The following RAB30 variants were observed in gnomAD, a reference collection of about 807,000 sequenced individuals.
The protein encoded by RAB30 is ras-related protein Rab-30.
A neutral mutation model predicts 25.1 loss-of-function variants in RAB30; 9 were observed. That is an observed-to-expected ratio of 0.36 (90% confidence interval 0.22 to 0.63). The LOEUF (loss-of-function observed/expected upper bound fraction) is 0.63, where lower values mean the gene tolerates loss of function less well. Ranked by LOEUF, RAB30 falls within the 20% of genes least tolerant of loss-of-function variation. The pLI, the probability that RAB30 is intolerant of heterozygous loss-of-function variation, is 0.69. For synonymous variants in RAB30, 77 were observed against 86.4 expected (o/e 0.89, Z 0.60); for missense variants, 140 against 243.5 (o/e 0.58, Z 2.83).
rs990388965 is a variant in RAB30, at chr11:82,981,517, T to G, written c.*648A>C. 1 of 152,700 alleles carries G rather than the reference T, an allele frequency of 6.5e-6. No individual in the cohort carries two copies. The highest frequency in any genetic ancestry group is 2.1e-4 in the South Asian group (1 of 4,838). The allele number at this position is 152,700 out of a possible 1,614,324, so 9.5% of individuals were successfully genotyped here. A position where few individuals can be genotyped will look rare whatever the true frequency, so the allele number is the denominator to read the frequency against. ...TTAATGTACTAAAACGTTTGGTCTG[T>G]GAAATAGCGGAATCATTAGCACCAA... On this transcript the variant is annotated 3_prime_UTR_variant, in exon 5 of 5. Transcript: ENST00000527633.
chr11:83,049,466 G>A (rs1360439174), intron 1 of RAB30, among the ~76,000 whole-genome samples: 6 of 140,068 alleles, frequency 4.3e-5, no homozygotes, highest in Non-Finnish European at 9.4e-5. Flanking sequence ...CAGAGGCGGG[G>A]GGTGCAGGGG....
chr11:83,066,459 G>C (rs1399193394), intron 1 of RAB30, among the ~76,000 whole-genome samples: 3 of 152,104 alleles, frequency 2.0e-5, no homozygotes, highest in Non-Finnish European at 4.4e-5. Flanking sequence ...CTTGAATAAA[G>C]GAAGTTCAGC....
chr11:83,062,668 C>T (rs1289941862), intron 1 of RAB30, among the ~76,000 whole-genome samples: 2 of 152,160 alleles, frequency 1.3e-5, no homozygotes, highest in East Asian at 1.9e-4. Context: ...CACAACATCT[C>T]CTTTGAGCCC....
At chr11:82,982,679 T>C (rs1445146980) in intron 4 of RAB30, among the ~76,000 whole-genome samples, 1 of 152,064 alleles carries the variant, frequency 6.6e-6, no homozygotes, top group Admixed American at 6.6e-5. Flanking sequence ...CTGGCCAATA[T>C]GGTGAAACCC....
chr11:83,050,078 G>A (rs1323151636), intron 1 of RAB30, among the ~76,000 whole-genome samples: 1 of 151,840 alleles, frequency 6.6e-6, no homozygotes, highest in African/African-American at 2.4e-5. Flanking sequence ...GGCAACATAG[G>A]GAGACCTCAT....
At chr11:83,027,403 G>C (rs1458656907) in intron 1 of RAB30, among the ~76,000 whole-genome samples, 1 of 152,106 alleles carries the variant, frequency 6.6e-6, no homozygotes, top group South Asian at 2.1e-4. Context: ...CTTCTCCCGA[G>C]TACCAAAACA....
At position 82,980,684 on chromosome 11, in the gene RAB30, A is replaced by G. The variant is rs992935597; in HGVS notation, c.*1481T>C. On this transcript the variant is annotated 3_prime_UTR_variant, in exon 5 of 5. Transcript: ENST00000527633. ...ATCAGTGAACAAATTGGAAGCTATC[A>G]AAGTATGGCACTGAAGAAAAAGAAA... 2 of 152,216 alleles carry G rather than the reference A, an allele frequency of 1.3e-5. No individual in the cohort carries two copies. Among genetic ancestry groups the G allele is most frequent in the Admixed American group, 1.3e-4 (2 of 15,266 alleles). 9.4% of individuals were successfully genotyped at this position (152,216 alleles called of 1,614,324 possible). A position where few individuals can be genotyped will look rare whatever the true frequency, so the allele number is the denominator to read the frequency against.
In RAB30 at chr11:83,031,621, G is replaced by A. The variant is rs1013771753; in HGVS notation, c.-8-34297C>T. Reference sequence around the variant, plus strand: ...CGGCACACCGCAACCTCCGTTTCCCGGGTTCAAGCGATTCTCCTGCCTCAG... The same window carrying A: ...CGGCACACCGCAACCTCCGTTTCCCAGGTTCAAGCGATTCTCCTGCCTCAG... On this transcript the variant is annotated intron_variant, in intron 1 of 4. Transcript: ENST00000527633. Among the ~76,000 whole-genome samples the A allele has an allele frequency of 1.6e-4, 24 of 151,090 alleles. No homozygotes were observed. In the East Asian group the frequency reaches 3.5e-3, roughly 22 times the overall value.
intron 1 of RAB30, chr11:83,041,258 T>A (rs1017543207): frequency 5.8e-6 from 1 of 173,384 alleles, no homozygotes; most frequent in Non-Finnish European, 1.3e-5. Flanking sequence ...ATGTGGATCT[T>A]CTGGTGACCA....
At chr11:83,025,243 T>C (rs1245164200) in intron 1 of RAB30, among the ~76,000 whole-genome samples, 1 of 152,242 alleles carries the variant, frequency 6.6e-6, no homozygotes, top group African/African-American at 2.4e-5. Flanking sequence ...TGGAAGATGC[T>C]GCAGAACTAA....
chr11:82,981,277 ATTTG>A lies in RAB30; in HGVS notation c.*884_*887del, dbSNP rs888303520. ...TTTTTATATTAGAATGTCATCAACC[ATTTG>A]TTTATTTTTTTCATTTTGCAAACGT... On this transcript the variant is annotated 3_prime_UTR_variant, in exon 5 of 5. Transcript: ENST00000527633. 3.3e-5 allele frequency: 5 copies of A among 152,182 alleles called. No individual in the cohort carries two copies. The highest frequency in any genetic ancestry group is 1.5e-5 in the Non-Finnish European group (1 of 68,026). The allele number at this position is 152,182 out of a possible 1,614,324, so 9.4% of individuals were successfully genotyped here. A position where few individuals can be genotyped will look rare whatever the true frequency, so the allele number is the denominator to read the frequency against.
chr11:83,008,104 C>T (rs1196445505), intron 1 of RAB30, among the ~76,000 whole-genome samples: 2 of 152,200 alleles, frequency 1.3e-5, no homozygotes, highest in Non-Finnish European at 2.9e-5. Flanking sequence ...ACCGGAAGAA[C>T]CTTCTTATCA....
intron 1 of RAB30, among the ~76,000 whole-genome samples, chr11:83,071,058 A>T (rs938993188): frequency 6.6e-6 from 1 of 152,268 alleles, no homozygotes; most frequent in Admixed American, 6.5e-5. Flanking sequence ...TGCTTCCAGC[A>T]GCCTGAAAGA....
At chr11:83,016,278 G>A (rs75025662) in intron 1 of RAB30, among the ~76,000 whole-genome samples, 1,766 of 152,258 alleles carry the variant, frequency 0.012, 36 homozygotes, top group African/African-American at 0.041. Context: ...GGAGGAGAAA[G>A]TCAGACCAAA....
At chr11:83,031,529 T>C (rs1215125991) in intron 1 of RAB30, among the ~76,000 whole-genome samples, 3 of 83,166 alleles carry the variant, frequency 3.6e-5, no homozygotes, top group Non-Finnish European at 6.7e-5. Context: ...ATTCTTTTTT[T>C]TTCTTTTTTT....
chr11:82,992,290 G>A (rs1856866407), intron 3 of RAB30: 2 of 455,828 alleles, frequency 4.4e-6, no homozygotes, highest in African/African-American at 2.0e-5. Context: ...TCACTTTTTA[G>A]TTAGCATTTA....
intron 1 of RAB30, among the ~76,000 whole-genome samples, chr11:83,043,889 A>G (rs17504844): frequency 0.019 from 2,845 of 152,308 alleles, 73 homozygotes; most frequent in East Asian, 0.11. Context: ...TGGAGGAAAC[A>G]CTACTACTGC....
intron 1 of RAB30, among the ~76,000 whole-genome samples, chr11:83,039,972 G>A (rs896211906): frequency 6.6e-6 from 1 of 152,182 alleles, no homozygotes; most frequent in African/African-American, 2.4e-5. Flanking sequence ...AGGAGGGAAA[G>A]GGTAAGAAAA....
intron 1 of RAB30, among the ~76,000 whole-genome samples, chr11:83,040,509 T>C (rs1386166794): frequency 6.6e-6 from 1 of 151,560 alleles, no homozygotes; most frequent in African/African-American, 2.4e-5. Context: ...GAGAATTGCT[T>C]GAACCTGGGA....
Sources: gnomAD v4.1 joint callset for allele counts (sites outside exome capture counted in the v4.1 genomes callset) on GRCh38, gnomAD v4.1.1 for gene constraint, MANE v1.5 for transcripts, NCBI Gene and HGNC (gene_info 2026-07-23, HGNC 2026-07-21) for gene names.